The following TMEM161A variants were observed in gnomAD, a reference collection of about 807,000 sequenced individuals.
The protein encoded by TMEM161A is transmembrane protein 161A.
In TMEM161A, 46 loss-of-function variants were observed where a neutral mutation model predicts 57.1. That is an observed-to-expected ratio of 0.81 (90% CI 0.64 to 1.03). The LOEUF is 1.03. Among genes scored for constraint, TMEM161A ranks in the 50% least tolerant of loss-of-function variants. The probability of loss-of-function intolerance (pLI) is 0.00; values close to 1 mark genes in which losing one functional copy is unlikely to be tolerated. For missense variants in TMEM161A, 601 were observed against 621.5 expected, an observed-to-expected ratio of 0.97 and a Z score of 0.35; for synonymous variants, 288 against 279.0, an observed-to-expected ratio of 1.03 and a Z score of -0.32.
Position 19,121,821 on chromosome 19 carries a change from T to C in TMEM161A, c.596-2A>G. On this transcript the variant is annotated splice_acceptor_variant, in intron 6 of 11. Coordinates refer to ENST00000162044, the MANE Select transcript of TMEM161A (RefSeq NM_017814.3). LOFTEE classifies it high-confidence loss of function. The surrounding 1 kb of genome is among the most constrained non-coding windows in gnomAD (Gnocchi z 5.8). The stretch of plus-strand genomic sequence containing the variant: ...AGTTCTGGGTCATGCTGGCCAGACC[T>C]GGGGACGATAAGAAGAGGACCGAGT... 6.2e-7 allele frequency: 1 copy of C among 1,613,712 alleles called. No homozygotes were observed. Among genetic ancestry groups the C allele is most frequent in the African/African-American group, 1.3e-5 (1 of 74,998 alleles).
At chr19:19,134,926 G>A (rs763862961) in intron 1 of TMEM161A, 39 bp from the exon 2 acceptor site, 1 of 1,421,774 alleles carries the variant, frequency 7.0e-7, no homozygotes, top group South Asian at 1.2e-5. Context: ...CCTGCCAGAG[G>A]GTCACAAGTT....
intron 3 of TMEM161A, 87 bp downstream of exon 3, chr19:19,133,043 G>A (rs1177861088): frequency 7.7e-7 from 1 of 1,304,398 alleles, no homozygotes; most frequent in East Asian, 2.4e-5. Context: ...CTGTGTCCCT[G>A]AGCCCAGAGC....
intron 1 of TMEM161A, among the ~76,000 whole-genome samples, chr19:19,137,764 C>T (rs1296685248): frequency 2.6e-5 from 4 of 152,214 alleles, no homozygotes; most frequent in Non-Finnish European, 5.9e-5. Context: ...CCAGGCCGGT[C>T]CCGTCAGGGT....
In TMEM161A at chr19:19,120,839, A is replaced by G. The variant is rs1309221804; in HGVS notation, c.1112T>C (p.Val371Ala). ...CAGGTACTGCAAGCTCACCACGGTC[A>G]CATAGCAGTAGACTCGGACCACCTG... is the stretch of plus-strand genomic sequence containing the variant. The part of the protein sequence containing the change: ...QQRVVRVYCY[V>A]TVVSLQYLTP... The change falls in exon 11 of 12, where the codon GTG becomes GCG. Residue 371 changes from valine (V) to alanine (A), a missense_variant. Physicochemically the swap from Val to Ala is moderately conservative, Grantham distance 64. Coordinates refer to ENST00000162044, the MANE Select transcript of TMEM161A (RefSeq NM_017814.3). The G allele has an allele frequency of 6.2e-7, 1 of 1,613,448 alleles. No homozygotes were observed.
chr19:19,134,916 C>G, intron 1 of TMEM161A, 29 bp from the exon 2 acceptor site: 2 of 1,481,602 alleles, frequency 1.3e-6, no homozygotes, highest in Non-Finnish European at 1.8e-6. Context: ...ACTGGCAGCA[C>G]CTGCCAGAGG....
intron 1 of TMEM161A, among the ~76,000 whole-genome samples, chr19:19,136,890 A>G (rs569294146): frequency 7.2e-5 from 11 of 152,102 alleles, no homozygotes; most frequent in African/African-American, 2.7e-4. Flanking sequence ...GGCCCCTGCA[A>G]GCCAGTGGGT....
Position 19,121,188 on chromosome 19 carries a change from C to A in TMEM161A, c.915-22G>T. 6.3e-7 allele frequency: 1 copy of A among 1,585,266 alleles called. No homozygotes were observed. Among genetic ancestry groups the A allele is most frequent in the Non-Finnish European group, 8.6e-7 (1 of 1,165,402 alleles). On this transcript the variant is annotated intron_variant, in intron 9 of 11. Coordinates refer to ENST00000162044, the MANE Select transcript of TMEM161A (RefSeq NM_017814.3). This position sits in a 1 kb window ranked among gnomAD's most constrained non-coding sequence, Gnocchi z 5.8. ...CAGCCTGTGCGGAGAGGGCCGGGGG[C>A]AAGGGACTAAGAAGGTCGCCCCCGA...
At position 19,130,502 on chromosome 19, in the gene TMEM161A, G is replaced by C; in HGVS notation, c.444-195C>G. 4.7e-6 allele frequency: 3 copies of C among 642,548 alleles called. No individual in the cohort carries two copies. In the East Asian group the frequency reaches 8.3e-5, roughly 18 times the overall value. The allele number at this position is 642,548 out of a possible 1,614,324, so 39.8% of individuals were successfully genotyped here. A position where few individuals can be genotyped will look rare whatever the true frequency, so the allele number is the denominator to read the frequency against. On this transcript the variant is annotated intron_variant, in intron 5 of 11. Transcript: ENST00000162044. ...GTGGGCTGGGGGTTCCCGTTGAGTGGGAGATGGCCTCATCAGGCCACCGTG... is the reference window on the plus strand; with the variant it reads ...GTGGGCTGGGGGTTCCCGTTGAGTGCGAGATGGCCTCATCAGGCCACCGTG...
Position 19,132,210 on chromosome 19 carries a change from T to G in TMEM161A, c.443+142A>C. 2 of 979,536 alleles carry G rather than the reference T, an allele frequency of 2.0e-6. No homozygotes were observed. The highest frequency in any genetic ancestry group is 3.0e-6 in the Non-Finnish European group (2 of 669,034). 60.7% of individuals were successfully genotyped at this position (979,536 alleles called of 1,614,324 possible). A position where few individuals can be genotyped will look rare whatever the true frequency, so the allele number is the denominator to read the frequency against. On this transcript the variant is annotated intron_variant, in intron 5 of 11. Coordinates refer to ENST00000162044, the MANE Select transcript of TMEM161A (RefSeq NM_017814.3). The surrounding 1 kb of genome is among the most constrained non-coding windows in gnomAD (Gnocchi z 4.3). ...TGTCCACCCACAGAGCTGGAGCACATAAAATGTCTGCTTCATGTCACTAAG... is the reference window on the plus strand; with the variant it reads ...TGTCCACCCACAGAGCTGGAGCACAGAAAATGTCTGCTTCATGTCACTAAG...
chr19:19,122,317 C>G (rs937222771), intron 6 of TMEM161A, among the ~76,000 whole-genome samples: 1 of 151,978 alleles, frequency 6.6e-6, no homozygotes, highest in Admixed American at 6.6e-5. Context: ...ACAGAATGCA[C>G]CAGGCAGACA....
At position 19,134,805 on chromosome 19, in the gene TMEM161A, C is replaced by G. The variant is rs143085909; in HGVS notation, c.86G>C (p.Arg29Pro). The G allele has an allele frequency of 6.3e-7, 1 of 1,584,798 alleles. No individual in the cohort carries two copies. ...HRLAPHCSFA[R>P]WLLCNGSLFR... ...TCACCTGCCGTTACAGAGCAGCCAG[C>G]GCGCGAAGGAGCAGTGTGGCGCCAG... Residue 29 changes from arginine to proline, a missense_variant, in exon 2 of 12, where the codon CGC becomes CCC. Physicochemically the swap from Arg to Pro is moderately radical, Grantham distance 103. Coordinates refer to ENST00000162044, the MANE Select transcript of TMEM161A (RefSeq NM_017814.3).
At chr19:19,135,347 T>C (rs1225421068) in intron 1 of TMEM161A, among the ~76,000 whole-genome samples, 1 of 152,082 alleles carries the variant, frequency 6.6e-6, no homozygotes, top group African/African-American at 2.4e-5. Flanking sequence ...AGCCACTGCG[T>C]CTCGGTTGAG....
At chr19:19,120,731 G>A (rs2059905061) in intron 11 of TMEM161A, 34 bp downstream of exon 11, 4 of 1,462,514 alleles carry the variant, frequency 2.7e-6, no homozygotes, top group Non-Finnish European at 3.7e-6. Context: ...TTCCAACTCC[G>A]CCCCTCCTCC....
chr19:19,134,954 C>G (rs573336129), intron 1 of TMEM161A, 67 bp from the exon 2 acceptor site: 2 of 1,198,504 alleles, frequency 1.7e-6, no homozygotes, highest in Admixed American at 4.2e-5. Flanking sequence ...TCCCTAGGAA[C>G]CCAGGCTATT....
chr19:19,133,347 A>T (rs1555772938), intron 2 of TMEM161A, 137 bp from the exon 3 acceptor site: 2 of 718,376 alleles, frequency 2.8e-6, no homozygotes, highest in Non-Finnish European at 2.4e-6. Flanking sequence ...AGGGTACAGC[A>T]TGGGGAAATT....
chr19:19,129,906 AAAAAAAAAAG>A (rs1437465688), intron 6 of TMEM161A, among the ~76,000 whole-genome samples: 2 of 142,104 alleles, frequency 1.4e-5, no homozygotes, highest in African/African-American at 5.9e-5. Context: ...ACTCCATCTC[AAAAAAAAAAG>A]AAAAAAAAAG....
chr19:19,137,550 C>T (rs921671553), intron 1 of TMEM161A, among the ~76,000 whole-genome samples: 9 of 152,228 alleles, frequency 5.9e-5, no homozygotes, highest in Admixed American at 5.9e-4. Context: ...ACTCAAGAAC[C>T]CTGATAAAAT....
At position 19,138,452 on chromosome 19, in the gene TMEM161A, C is replaced by T. The variant is rs376764119; in HGVS notation, c.-24G>A. On this transcript the variant is annotated 5_prime_UTR_variant, in exon 1 of 12. It adds an upstream start codon to the 5' untranslated region. Transcript: ENST00000162044. ...ATGACGCGTGCGAGAACGCGGTGCA[C>T]TCACCCACCGGCCTAGGGCTCCGGG... is the stretch of plus-strand genomic sequence containing the variant. 4.9e-5 allele frequency: 79 copies of T among 1,598,136 alleles called. No individual in the cohort carries two copies. In the African/African-American group the frequency reaches 9.1e-4, roughly 18 times the overall value.
chr19:19,130,394 G>A, intron 5 of TMEM161A, 87 bp from the exon 6 acceptor site: 1 of 1,546,890 alleles, frequency 6.5e-7, no homozygotes, highest in Non-Finnish European at 8.8e-7. Context: ...CAGAACTCCA[G>A]GGAACAAGCA....
Sources: allele counts gnomAD v4.1 joint callset (sites outside exome capture counted in the v4.1 genomes callset), GRCh38; gene constraint gnomAD v4.1.1; non-coding constraint Gnocchi (gnomAD v3.1); transcripts MANE v1.5; gene names NCBI Gene and HGNC (gene_info 2026-07-23, HGNC 2026-07-21).